Variants in RPS4Y1 observed in about 807,000 individuals in gnomAD.
RPS4Y1 encodes the protein ribosomal protein S4 Y-linked 1, also known as small ribosomal subunit protein eS4, Y isoform 1.
For missense variants in RPS4Y1, 30 were observed against 60.9 expected (o/e 0.49, Z 1.69); for synonymous variants, 23 against 20.8 (o/e 1.10, Z -0.28).
At chrY:2,850,253 C>A (rs898719805) in intron 4 of RPS4Y1, among the ~76,000 whole-genome samples, 3 of 33,934 alleles carry the variant, frequency 8.8e-5, no homozygotes, top group African/African-American at 3.5e-4. Flanking sequence ...AGTTAAAGGC[C>A]GAGGACCTTT....
At chrY:2,863,562 T>C in intron 5 of RPS4Y1, among the ~76,000 whole-genome samples, 1 of 34,007 alleles carries the variant, frequency 2.9e-5, no homozygotes. Context: ...TCTTACCGCT[T>C]TTTCGGGATT....
chrY:2,862,002 T>G, intron 5 of RPS4Y1, among the ~76,000 whole-genome samples: 1 of 31,965 alleles, frequency 3.1e-5, no homozygotes, highest in Non-Finnish European at 7.6e-5. Flanking sequence ...TCTGCCTGCC[T>G]TGGCCTCCAA....
chrY:2,856,633 G>A (rs750806829), intron 5 of RPS4Y1, among the ~76,000 whole-genome samples: 4 of 31,737 alleles, frequency 1.3e-4, no homozygotes, highest in African/African-American at 2.5e-4. Flanking sequence ...GTCTTGCTCT[G>A]TTGACCAGGC....
chrY:2,848,747 G>A (rs2051154233), intron 4 of RPS4Y1, among the ~76,000 whole-genome samples: 1 of 33,594 alleles, frequency 3.0e-5, no homozygotes, highest in East Asian at 7.8e-4. Context: ...TTTCTCTGTA[G>A]TTCTTCTATT....
intron 4 of RPS4Y1, among the ~76,000 whole-genome samples, chrY:2,850,666 C>T: frequency 6.1e-5 from 2 of 32,673 alleles, no homozygotes; most frequent in African/African-American, 2.4e-4. Context: ...GTTTTAGAAT[C>T]ACCCAAGTAG....
chrY:2,861,471 A>T, intron 5 of RPS4Y1, among the ~76,000 whole-genome samples: 1 of 31,715 alleles, frequency 3.2e-5, no homozygotes, highest in Non-Finnish European at 7.6e-5. Flanking sequence ...CAGGGCTTGC[A>T]TGTGTACTTT....
chrY:2,844,238 A>G lies in RPS4Y1; in HGVS notation c.243A>G (p.Thr81=). 7.6e-6 allele frequency: 3 copies of G among 397,084 alleles called. No individual in the cohort carries two copies. The highest frequency in any genetic ancestry group is 1.1e-5 in the Non-Finnish European group (3 of 281,756). ...ATGGCAAGGTTCGAGTGGATGTCAC[A>G]TACCCTGCTGGATTCATGGGTAAGG... ...KIDGKVRVDV[T]YPAGFMDVIS... Residue 81 remains threonine, a synonymous_variant, in exon 3 of 7, where the codon ACA becomes ACG. Coordinates refer to ENST00000250784, the MANE Select transcript of RPS4Y1 (RefSeq NM_001008.4).
chrY:2,854,211 G>A (rs112001559), intron 4 of RPS4Y1: 17 of 51,051 alleles, frequency 3.3e-4, no homozygotes, highest in African/African-American at 1.1e-3. Context: ...CCGCTCCAGA[G>A]TTGCCCATTG....
At chrY:2,842,827 G>T in intron 2 of RPS4Y1, among the ~76,000 whole-genome samples, 2 of 33,211 alleles carry the variant, frequency 6.0e-5, no homozygotes, top group Admixed American at 2.8e-4. Flanking sequence ...CATTGATGGT[G>T]TGGTCACACT....
At position 2,845,749 on chromosome Y, in the gene RPS4Y1, T is replaced by C. The variant is rs1178195126; in HGVS notation, c.360+6T>C. On this transcript the variant is annotated splice_donor_region_variant and intron_variant, in intron 4 of 6. Transcript: ENST00000250784. Reference sequence around the variant, plus strand: ...TCACAGTGGAAGAGGCAAAGGTATGTTGCACAAGTCAAGTGAGCTTTGTAA... The same window carrying C: ...TCACAGTGGAAGAGGCAAAGGTATGCTGCACAAGTCAAGTGAGCTTTGTAA... 1.1e-5 allele frequency: 4 copies of C among 376,608 alleles called. No homozygotes were observed. The highest frequency in any genetic ancestry group is 1.5e-5 in the Non-Finnish European group (4 of 264,546). The allele number at this position is 376,608 out of a possible 400,897, so 93.9% of individuals were successfully genotyped here. A position where few individuals can be genotyped will look rare whatever the true frequency, so the allele number is the denominator to read the frequency against.
intron 2 of RPS4Y1, 35 bp downstream of exon 2, chrY:2,842,277 GT>G (rs762871684): frequency 6.0e-6 from 2 of 333,946 alleles, no homozygotes. Context: ...GTTTTTTTTT[GT>G]TTTTTTTAGT....
At chrY:2,841,676 A>T in intron 1 of RPS4Y1, 49 bp downstream of exon 1, 1 of 367,170 alleles carries the variant, frequency 2.7e-6, no homozygotes, top group Non-Finnish European at 3.9e-6. Flanking sequence ...CCATCATTTG[A>T]AAAAGGGCCG....
intron 4 of RPS4Y1, among the ~76,000 whole-genome samples, chrY:2,850,943 A>C: frequency 4.5e-5 from 1 of 22,224 alleles, no homozygotes; most frequent in Non-Finnish European, 1.0e-4. Context: ...TCCCAGGTTC[A>C]CGCCATTCTC....
chrY:2,862,939 G>A, intron 5 of RPS4Y1, among the ~76,000 whole-genome samples: 2 of 33,454 alleles, frequency 6.0e-5, no homozygotes, highest in Admixed American at 2.7e-4. Flanking sequence ...TATGGGAAGC[G>A]TCTGCTGTTT....
intron 5 of RPS4Y1, among the ~76,000 whole-genome samples, chrY:2,864,309 T>G: frequency 3.0e-5 from 1 of 33,247 alleles, no homozygotes; most frequent in East Asian, 7.7e-4. Context: ...TGTGTTTTGT[T>G]TTGTTAGTAT....
intron 1 of RPS4Y1, 88 bp downstream of exon 1, chrY:2,841,715 G>A: frequency 3.3e-6 from 1 of 301,037 alleles, no homozygotes; most frequent in Non-Finnish European, 5.1e-6. Flanking sequence ...TCACTTTTCG[G>A]TCGCCCCTAC....
At chrY:2,843,940 C>T in intron 2 of RPS4Y1, 137 bp from the exon 3 acceptor site, 1 of 180,514 alleles carries the variant, frequency 5.5e-6, no homozygotes, top group Non-Finnish European at 1.0e-5. Flanking sequence ...AAAATAATTG[C>T]CCTCTTGTAT....
Position 2,845,693 on chromosome Y carries a change from G to A in RPS4Y1, c.310G>A (p.Asp104Asn). 1 of 397,497 alleles carries A rather than the reference G, an allele frequency of 2.5e-6. No individual in the cohort carries two copies. Among genetic ancestry groups the A allele is most frequent in the Non-Finnish European group, 3.5e-6 (1 of 282,246 alleles). The change falls in exon 4 of 7, where the codon GAC becomes AAC. Residue 104 changes from aspartate to asparagine, a missense_variant. Asp to Asn is a conservative substitution (Grantham distance 23). Transcript: ENST00000250784. ...AGGTGAACATTTCCGCCTGGTCTAT[G>A]ACACCAAGGGCCGTTTTGCTGTTCA... is the stretch of plus-strand genomic sequence containing the variant. ...KTGEHFRLVY[D>N]TKGRFAVHRI...
At chrY:2,849,717 A>G in intron 4 of RPS4Y1, among the ~76,000 whole-genome samples, 1 of 33,637 alleles carries the variant, frequency 3.0e-5, no homozygotes, top group African/African-American at 1.2e-4. Context: ...AGTTCCCCTC[A>G]TGATATGGCC....
Sources: allele counts gnomAD v4.1 joint callset (sites outside exome capture counted in the v4.1 genomes callset), GRCh38; gene constraint gnomAD v4.1.1; transcripts MANE v1.5; gene names NCBI Gene and HGNC (gene_info 2026-07-23, HGNC 2026-07-21).